The following MTMR3 variants were observed in gnomAD, a reference collection of about 807,000 sequenced individuals.
MTMR3 encodes the protein myotubularin related protein 3, also known as phosphatidylinositol-3,5-bisphosphate 3-phosphatase MTMR3.
In MTMR3, 32 loss-of-function variants were observed where a neutral mutation model predicts 132.4. The ratio of observed to expected loss-of-function variants is 0.24; its 90% CI spans 0.18 to 0.32. The LOEUF is 0.32. MTMR3 is among the 10% of genes least tolerant of loss of function. The pLI is 1.00. For missense variants in MTMR3, 1,216 were observed against 1,489.6 expected (o/e 0.82, Z 3.02); for synonymous variants, 556 against 550.3 (o/e 1.01, Z -0.14).
chr22:29,884,005 T>C (rs2064610978), intron 1 of MTMR3, among the ~76,000 whole-genome samples: 1 of 152,222 alleles, frequency 6.6e-6, no homozygotes, highest in Non-Finnish European at 1.5e-5. Context: ...GTAATTTTGC[T>C]TGATGTATGG....
chr22:29,943,079 T>TG (rs1461336715), intron 1 of MTMR3, among the ~76,000 whole-genome samples: 1 of 152,236 alleles, frequency 6.6e-6, no homozygotes, highest in African/African-American at 2.4e-5. Context: ...AGTATTAATT[T>TG]GGGGAACTAA....
At chr22:29,908,025 C>T (rs1006411370) in intron 1 of MTMR3, among the ~76,000 whole-genome samples, 2 of 152,188 alleles carry the variant, frequency 1.3e-5, no homozygotes, top group African/African-American at 4.8e-5. Context: ...GCCAAGAAAT[C>T]TAGATGAGAT....
At chr22:29,899,901 G>T (rs56836109) in intron 1 of MTMR3, among the ~76,000 whole-genome samples, 2,518 of 152,232 alleles carry the variant, frequency 0.017, 67 homozygotes, top group African/African-American at 0.058. Context: ...TTCTTTGTAT[G>T]TATATTATAC....
chr22:29,960,303 T>C (rs921925796), intron 2 of MTMR3, among the ~76,000 whole-genome samples: 12 of 152,150 alleles, frequency 7.9e-5, no homozygotes, highest in African/African-American at 2.7e-4. Flanking sequence ...GGAATAGATA[T>C]GGTAGATTAT....
chr22:29,885,770 G>A (rs1242985318), intron 1 of MTMR3, among the ~76,000 whole-genome samples: 1 of 152,196 alleles, frequency 6.6e-6, no homozygotes, highest in Non-Finnish European at 1.5e-5. Context: ...ATGAGGAGTG[G>A]TAAAGTCAGT....
At chr22:29,954,559 G>C (rs1455311340) in intron 1 of MTMR3, among the ~76,000 whole-genome samples, 1 of 152,116 alleles carries the variant, frequency 6.6e-6, no homozygotes, top group African/African-American at 2.4e-5. Flanking sequence ...CTTTTCTGTT[G>C]AATCTCTCGT....
At chr22:29,925,349 A>G (rs2065494395) in intron 1 of MTMR3, among the ~76,000 whole-genome samples, 1 of 152,196 alleles carries the variant, frequency 6.6e-6, no homozygotes, top group African/African-American at 2.4e-5. Flanking sequence ...TTTTGACGTC[A>G]GTGTTAATTT....
chr22:29,932,291 A>G (rs557618589), intron 1 of MTMR3, among the ~76,000 whole-genome samples: 1 of 152,304 alleles, frequency 6.6e-6, no homozygotes, highest in South Asian at 2.1e-4. Flanking sequence ...CTCTCTCCCT[A>G]CTAAGGTTCC....
intron 1 of MTMR3, among the ~76,000 whole-genome samples, chr22:29,921,839 G>GTTTTTTTTTTTTTTTTTTTTTT (rs2065420244): frequency 6.8e-6 from 1 of 146,944 alleles, no homozygotes; most frequent in African/African-American, 2.5e-5. Context: ...GTACATCCAT[G>GTTTTTTTTTTTTTTTTTTTTTT]TCTTTTTTTT....
At position 29,935,954 on chromosome 22, in the gene MTMR3, G is replaced by A. The variant is rs900846500; in HGVS notation, c.-137-21082G>A. ...TTTTTAGTAGAGACGGGGTTTCACC[G>A]TATTAGCCAGGGTGGTCTGGATCTC... On this transcript the variant is annotated intron_variant, in intron 1 of 19. Coordinates refer to ENST00000401950, the MANE Select transcript of MTMR3 (RefSeq NM_021090.4). 5.3e-5 allele frequency among the ~76,000 whole-genome samples: 8 copies of A among 151,880 alleles called. No individual in the cohort carries two copies. In the East Asian group the frequency reaches 1.6e-3, roughly 30 times the overall value.
chr22:29,928,969 A>G (rs756309579), intron 1 of MTMR3, among the ~76,000 whole-genome samples: 6 of 152,188 alleles, frequency 3.9e-5, no homozygotes, highest in Non-Finnish European at 8.8e-5. Flanking sequence ...TTTTACCATT[A>G]TCAAAAGTGT....
At position 30,013,415 on chromosome 22, in the gene MTMR3, G is replaced by A. The variant is rs1351841028; in HGVS notation, c.1377G>A (p.Arg459=). 1 of 1,614,124 alleles carries A rather than the reference G, an allele frequency of 6.2e-7. No homozygotes were observed. The highest frequency in any genetic ancestry group is 8.5e-7 in the Non-Finnish European group (1 of 1,179,986). Residue 459 remains arginine, a synonymous_variant, in exon 14 of 20, where the codon CGG becomes CGA. Coordinates refer to ENST00000401950, the MANE Select transcript of MTMR3 (RefSeq NM_021090.4). ...ATTTTGGCCATAAATTTGCTGACCG[G>A]TGTGGTCATGGGGAGAACTCGGATG... The part of the protein sequence containing the change: ...WLDFGHKFAD[R]CGHGENSDDL...
intron 19 of MTMR3, chr22:30,023,636 GC>G (rs2067826906): frequency 1.1e-6 from 1 of 901,862 alleles, no homozygotes; most frequent in Admixed American, 2.0e-5. Context: ...GGGATTCAAA[GC>G]AGCTGAGGAG....
At chr22:29,903,687 C>T (rs1020678364) in intron 1 of MTMR3, among the ~76,000 whole-genome samples, 2 of 152,078 alleles carry the variant, frequency 1.3e-5, no homozygotes, top group African/African-American at 2.4e-5. Flanking sequence ...GCCACCTTGC[C>T]CAGCCATTTC....
At chr22:29,898,358 G>C (rs1287719758) in intron 1 of MTMR3, among the ~76,000 whole-genome samples, 1 of 152,072 alleles carries the variant, frequency 6.6e-6, no homozygotes, top group Non-Finnish European at 1.5e-5. Flanking sequence ...GAGGTTTGGG[G>C]TACAATTGAT....
intron 2 of MTMR3, among the ~76,000 whole-genome samples, chr22:29,958,643 C>G (rs189153258): frequency 3.3e-5 from 5 of 151,960 alleles, no homozygotes; most frequent in Admixed American, 2.0e-4. Context: ...CTTAAGTGCC[C>G]AGCTCAGAAT....
chr22:29,990,449 A>G (rs1416478885), intron 6 of MTMR3: 1 of 152,204 alleles, frequency 6.6e-6, no homozygotes, highest in Non-Finnish European at 1.5e-5. Context: ...ATTGCTTTTT[A>G]GTCAGTGAGA....
intron 19 of MTMR3, chr22:30,024,396 A>G (rs1458446320): frequency 6.6e-6 from 1 of 151,780 alleles, no homozygotes; most frequent in Non-Finnish European, 1.5e-5. Context: ...ATGTTCAGAA[A>G]TTTTTCTGTG....
chr22:29,982,937 T>TGTGTGTG (rs2066780516), intron 5 of MTMR3: 48 of 146,388 alleles, frequency 3.3e-4, no homozygotes, highest in African/African-American at 1.1e-3. Context: ...AAAAGTTTGT[T>TGTGTGTG]TGTGTGTGTG....
Sources: gnomAD v4.1 joint callset for allele counts (sites outside exome capture counted in the v4.1 genomes callset) on GRCh38, gnomAD v4.1.1 for gene constraint, MANE v1.5 for transcripts, NCBI Gene and HGNC (gene_info 2026-07-23, HGNC 2026-07-21) for gene names.